The following NPEPPS variants were observed in gnomAD, a reference collection of about 807,000 sequenced individuals.
NPEPPS encodes aminopeptidase puromycin sensitive, also known as puromycin-sensitive aminopeptidase.
Under a neutral mutation model 115.5 loss-of-function variants are expected in NPEPPS, and 14 were observed. The observed-to-expected ratio is 0.12, with a 90% CI of 0.08 to 0.19. The LOEUF (loss-of-function observed/expected upper bound fraction) is 0.19, where lower values mean the gene tolerates loss of function less well. Among genes scored for constraint, NPEPPS ranks in the 10% least tolerant of loss-of-function variants. NPEPPS has a pLI of 1.00. For synonymous variants in NPEPPS, 285 were observed against 390.6 expected (o/e 0.73, Z 3.19); for missense variants, 523 against 1,110.8 (o/e 0.47, Z 7.52).
upstream of NPEPPS, among the ~76,000 whole-genome samples, chr17:47,529,922 A>T (rs1597800862): frequency 2.1e-5 from 1 of 47,160 alleles, no homozygotes; most frequent in Non-Finnish European, 5.5e-5. Context: ...ATCCCATTTT[A>T]TTTATTTATT....
At chr17:47,595,385 G>T (rs142501017) in intron 12 of NPEPPS, among the ~76,000 whole-genome samples, 36 of 152,310 alleles carry the variant, frequency 2.4e-4, no homozygotes, top group African/African-American at 8.2e-4. Flanking sequence ...TTAAAGTGAG[G>T]TTAATTGAAT....
At chr17:47,572,668 A>G (rs1244722153) in intron 3 of NPEPPS, among the ~76,000 whole-genome samples, 2 of 152,262 alleles carry the variant, frequency 1.3e-5, no homozygotes, top group East Asian at 3.8e-4. Flanking sequence ...GGAAACTTCT[A>G]AGCAGTAGAA....
chr17:47,537,204 T>C (rs576788728), intron 1 of NPEPPS, among the ~76,000 whole-genome samples: 10 of 152,154 alleles, frequency 6.6e-5, no homozygotes, highest in African/African-American at 9.6e-5. Flanking sequence ...AATTCATATA[T>C]ATAAAATTAA....
rs1216851791 is a variant in NPEPPS, at chr17:47,604,038, C to T, written c.1864C>T (p.Leu622Phe). The T allele has an allele frequency of 6.2e-7, 1 of 1,610,956 alleles. No individual in the cohort carries two copies. Among genetic ancestry groups the T allele is most frequent in the African/African-American group, 1.3e-5 (1 of 74,966 alleles). Reference protein sequence around the residue: ...PVDRLGLQNDLFSLARAGIIS... With the variant: ...PVDRLGLQNDFFSLARAGIIS... ...GGATCGACTTGGATTACAGAATGAC[C>T]TCTTCTCCTTGGTGAGCATCTGTGA... The change falls in exon 16 of 23, where the codon CTC becomes TTC. Residue 622 changes from leucine to phenylalanine, a missense_variant. Coordinates refer to ENST00000322157, the MANE Select transcript of NPEPPS (RefSeq NM_006310.4).
At chr17:47,574,461 AG>A (rs1911384747) in intron 3 of NPEPPS, among the ~76,000 whole-genome samples, 1 of 152,198 alleles carries the variant, frequency 6.6e-6, no homozygotes, top group Non-Finnish European at 1.5e-5. Flanking sequence ...AGAATTCACC[AG>A]GGAAGAGTAG....
chr17:47,574,689 TAA>T (rs1312295804), intron 3 of NPEPPS, among the ~76,000 whole-genome samples: 1 of 152,160 alleles, frequency 6.6e-6, no homozygotes, highest in Admixed American at 6.5e-5. Flanking sequence ...CTCCTGGGTT[TAA>T]GTGATTCTCC....
At chr17:47,582,168 T>TA (rs1911920059) in intron 4 of NPEPPS, 1 of 152,612 alleles carries the variant, frequency 6.6e-6, no homozygotes, top group Non-Finnish European at 1.5e-5. Context: ...AATGAAAGAG[T>TA]AAGGACTCAA....
intron 15 of NPEPPS, 167 bp from the exon 16 acceptor site, chr17:47,603,748 A>G (rs1913367438): frequency 1.0e-5 from 5 of 494,636 alleles, no homozygotes; most frequent in Non-Finnish European, 1.7e-5. Context: ...CTGTGCATTC[A>G]TTCTGTCTTG....
intron 17 of NPEPPS, among the ~76,000 whole-genome samples, 185 bp downstream of exon 17, chr17:47,605,737 G>T (rs1293206846): frequency 1.3e-5 from 2 of 152,216 alleles, no homozygotes; most frequent in Admixed American, 6.5e-5. Flanking sequence ...CATAGAAACA[G>T]TAGTGGTTAT....
chr17:47,576,559 CTT>C (rs992108414), intron 3 of NPEPPS, among the ~76,000 whole-genome samples: 1 of 152,096 alleles, frequency 6.6e-6, no homozygotes, highest in Non-Finnish European at 1.5e-5. Context: ...AAATTATTCT[CTT>C]TATTTTTATA....
At chr17:47,570,534 A>G (rs1259372892) in intron 3 of NPEPPS, among the ~76,000 whole-genome samples, 3 of 152,236 alleles carry the variant, frequency 2.0e-5, no homozygotes, top group Non-Finnish European at 2.9e-5. Context: ...TCAAATAGGT[A>G]TTGTGTTATT....
intron 1 of NPEPPS, among the ~76,000 whole-genome samples, chr17:47,534,935 G>A (rs1356082068): frequency 6.6e-6 from 1 of 151,918 alleles, no homozygotes; most frequent in East Asian, 2.0e-4. Flanking sequence ...ATTAGTCCAT[G>A]TTCAGTGATT....
chr17:47,569,106 A>T (rs1245736802), intron 2 of NPEPPS, among the ~76,000 whole-genome samples: 1 of 152,260 alleles, frequency 6.6e-6, no homozygotes, highest in South Asian at 2.1e-4. Flanking sequence ...TAAGACTGCA[A>T]TATCACAATA....
intron 5 of NPEPPS, among the ~76,000 whole-genome samples, chr17:47,584,924 T>G (rs1912094045): frequency 6.6e-6 from 1 of 152,184 alleles, no homozygotes; most frequent in South Asian, 2.1e-4. Context: ...GCCTCCCTAG[T>G]TCACGACATT....
rs1913073829 is a variant in NPEPPS, at chr17:47,599,668, T to C, written c.1537-8T>C. 4 of 1,557,010 alleles carry C rather than the reference T, an allele frequency of 2.6e-6. No individual in the cohort carries two copies. The East Asian group carries it at 9.5e-5, about 37-fold the overall frequency. On this transcript the variant is annotated splice_polypyrimidine_tract_variant and splice_region_variant and intron_variant, in intron 13 of 22. Coordinates refer to ENST00000322157, the MANE Select transcript of NPEPPS (RefSeq NM_006310.4). The stretch of plus-strand genomic sequence containing the variant: ...AGTACTATTATAGCCTTTGTTTTGC[T>C]TCTTTAGGTAGAAGATGACAGATTA...
chr17:47,559,374 A>G (rs921641642), intron 2 of NPEPPS, among the ~76,000 whole-genome samples: 1 of 152,040 alleles, frequency 6.6e-6, no homozygotes, highest in Non-Finnish European at 1.5e-5. Context: ...TTGTTCTAGA[A>G]TTAATTTTTC....
chr17:47,539,674 A>G (rs1228151383), intron 1 of NPEPPS, among the ~76,000 whole-genome samples: 1 of 152,340 alleles, frequency 6.6e-6, no homozygotes, highest in Non-Finnish European at 1.5e-5. Flanking sequence ...ATTGCATATT[A>G]GTAGCCACAA....
chr17:47,527,443 C>T (rs935790719), upstream of NPEPPS, among the ~76,000 whole-genome samples: 1 of 151,752 alleles, frequency 6.6e-6, no homozygotes, highest in Non-Finnish European at 1.5e-5. Flanking sequence ...GAGCTCACAC[C>T]ATTGCACTCC....
At position 47,621,808 on chromosome 17, in the gene NPEPPS, C is replaced by G; in HGVS notation, c.2648C>G (p.Thr883Ser). ...ESHPAPSAER[T>S]IQQCCENILL... ...CACCCAGCTCCTTCAGCTGAGCGTA[C>G]CATCCAGCAGTGTTGTGAAAATATT... Residue 883 changes from threonine to serine, a missense_variant, in exon 23 of 23, where the codon ACC (threonine) becomes AGC (serine). This residue lies in a region of NPEPPS where 372 missense variants were observed against 542.6 expected (regional missense o/e 0.69). Coordinates refer to ENST00000322157, the MANE Select transcript of NPEPPS (RefSeq NM_006310.4). 1 of 1,612,900 alleles carries G rather than the reference C, an allele frequency of 6.2e-7. No individual in the cohort carries two copies. The highest frequency in any genetic ancestry group is 8.5e-7 in the Non-Finnish European group (1 of 1,179,098).
Sources: gnomAD v4.1 joint callset for allele counts (sites outside exome capture counted in the v4.1 genomes callset) on GRCh38, gnomAD v4.1.1 for gene constraint, gnomAD v4.1.1 regional missense constraint, MANE v1.5 for transcripts, NCBI Gene and HGNC (gene_info 2026-07-23, HGNC 2026-07-21) for gene names.